Variants in SKA2 observed in about 807,000 individuals in gnomAD.
SKA2 encodes spindle and kinetochore-associated protein 2.
Under a neutral mutation model 16.9 loss-of-function variants are expected in SKA2, and 13 were observed. That is an observed-to-expected ratio of 0.77 (90% CI 0.50 to 1.22). SKA2 has a LOEUF of 1.22. SKA2 is among the 50% of genes most tolerant of loss of function. The pLI is 0.00. For missense variants in SKA2, 107 were observed against 139.7 expected (o/e 0.77, Z 1.18); for synonymous variants, 47 against 48.5 (o/e 0.97, Z 0.13).
intron 1 of SKA2, among the ~76,000 whole-genome samples, chr17:59,139,585 C>A (rs1051544298): frequency 6.6e-6 from 1 of 151,868 alleles, no homozygotes; most frequent in Non-Finnish European, 1.5e-5. Flanking sequence ...CCTGAGCTCA[C>A]GTAATCTGCC....
At chr17:59,146,882 G>A (rs2046536303) in intron 1 of SKA2, among the ~76,000 whole-genome samples, 1 of 152,154 alleles carries the variant, frequency 6.6e-6, no homozygotes, top group Non-Finnish European at 1.5e-5. Flanking sequence ...TGTTGCCCAG[G>A]CTGGTCTCAA....
intron 1 of SKA2, among the ~76,000 whole-genome samples, chr17:59,133,500 T>G (rs1187122501): frequency 6.6e-6 from 1 of 152,164 alleles, no homozygotes; most frequent in Non-Finnish European, 1.5e-5. Context: ...ATGAACTTTA[T>G]CACTGAACTA....
At chr17:59,147,787 A>G (rs914328190) in intron 1 of SKA2, among the ~76,000 whole-genome samples, 13 of 150,988 alleles carry the variant, frequency 8.6e-5, no homozygotes, top group African/African-American at 2.9e-4. Context: ...TAAGAGCACT[A>G]GTAGAAATCA....
Position 59,125,586 on chromosome 17 carries a change from G to A in SKA2, c.120+5695C>T, listed in dbSNP as rs373540316. Reference sequence around the variant, plus strand: ...ATAGTAGCGGGTACCTGTAATCCCAGCTACTCGGGAGGGTGAGGCAGGAGA... The same window carrying A: ...ATAGTAGCGGGTACCTGTAATCCCAACTACTCGGGAGGGTGAGGCAGGAGA... On this transcript the variant is annotated intron_variant, in intron 2 of 3. Transcript: ENST00000330137. Among the ~76,000 whole-genome samples, 32 of 149,330 alleles carry A rather than the reference G, an allele frequency of 2.1e-4. 4 individuals carry two copies. The highest frequency in any genetic ancestry group is 1.6e-3 in the East Asian group (8 of 4,954).
rs1290720388 is a variant in SKA2, at chr17:59,144,645, T to C, written c.33+10486A>G. Reference sequence around the variant, plus strand: ...AAATGGATGAATCTTGAGAACATTTTGCTGAATGAAATAAGCCAATAATAA... The same window carrying C: ...AAATGGATGAATCTTGAGAACATTTCGCTGAATGAAATAAGCCAATAATAA... On this transcript the variant is annotated intron_variant, in intron 1 of 3. Coordinates refer to ENST00000330137, the MANE Select transcript of SKA2 (RefSeq NM_182620.4). Among the ~76,000 whole-genome samples, 3 of 152,208 alleles carry C rather than the reference T, an allele frequency of 2.0e-5. No homozygotes were observed. In the South Asian group the frequency reaches 6.2e-4, roughly 32 times the overall value.
At chr17:59,114,756 A>T (rs1343486957) in intron 3 of SKA2, among the ~76,000 whole-genome samples, 1 of 152,222 alleles carries the variant, frequency 6.6e-6, no homozygotes, top group Non-Finnish European at 1.5e-5. Flanking sequence ...GCACCAACAA[A>T]CAGGCTGGCT....
At chr17:59,152,558 G>C (rs913008192) in intron 1 of SKA2, among the ~76,000 whole-genome samples, 2 of 151,918 alleles carry the variant, frequency 1.3e-5, no homozygotes, top group Admixed American at 1.3e-4. Context: ...AACAAAATTA[G>C]GATAAACACT....
At chr17:59,137,669 C>A (rs2046455969) in intron 1 of SKA2, 2 of 431,360 alleles carry the variant, frequency 4.6e-6, no homozygotes, top group Non-Finnish European at 9.1e-6. Flanking sequence ...ACATTTAAGC[C>A]TCAGATTTTA....
intron 1 of SKA2, among the ~76,000 whole-genome samples, chr17:59,141,742 A>G (rs936289074): frequency 2.5e-4 from 38 of 151,628 alleles, no homozygotes; most frequent in East Asian, 2.1e-3. Flanking sequence ...AAAAAAAAAA[A>G]AGAGAGCCTA....
At chr17:59,144,740 T>A (rs924931687) in intron 1 of SKA2, among the ~76,000 whole-genome samples, 1 of 152,110 alleles carries the variant, frequency 6.6e-6, no homozygotes, top group African/African-American at 2.4e-5. Context: ...AGACAGATAG[T>A]AGAATGGTAG....
intron 1 of SKA2, among the ~76,000 whole-genome samples, chr17:59,154,131 C>T (rs1260579901): frequency 4.7e-5 from 7 of 149,506 alleles, no homozygotes; most frequent in Non-Finnish European, 7.4e-5. Context: ...GCAGGCGCTT[C>T]CTCCAAAGTC....
At chr17:59,142,291 GTTT>G (rs757348686) in intron 1 of SKA2, among the ~76,000 whole-genome samples, 2 of 136,896 alleles carry the variant, frequency 1.5e-5, no homozygotes, top group Non-Finnish European at 3.2e-5. Flanking sequence ...TATATGGTGG[GTTT>G]TTTTTTTTTT....
chr17:59,120,408 T>C (rs1486530111), intron 2 of SKA2, among the ~76,000 whole-genome samples: 3 of 152,050 alleles, frequency 2.0e-5, no homozygotes, highest in Admixed American at 1.3e-4. Context: ...GGTAATTCTT[T>C]TCTTTAATTT....
At chr17:59,121,479 A>ACC (rs1019770109) in intron 2 of SKA2, among the ~76,000 whole-genome samples, 8 of 150,996 alleles carry the variant, frequency 5.3e-5, no homozygotes, top group African/African-American at 1.5e-4. Context: ...ACATAGCGAA[A>ACC]CCCCGTCTCT....
intron 1 of SKA2, chr17:59,151,774 T>C (rs943068679): frequency 1.2e-4 from 18 of 153,662 alleles, no homozygotes; most frequent in African/African-American, 4.1e-4. Flanking sequence ...CTTACCATCT[T>C]ACAGCTTTTT....
chr17:59,138,145 T>C (rs1260719715), intron 1 of SKA2, among the ~76,000 whole-genome samples: 3 of 151,660 alleles, frequency 2.0e-5, no homozygotes, highest in African/African-American at 4.8e-5. Flanking sequence ...GTAATAAAAA[T>C]AAAGGGGAAA....
At chr17:59,115,414 G>C (rs1324906093) in intron 3 of SKA2, among the ~76,000 whole-genome samples, 1 of 152,110 alleles carries the variant, frequency 6.6e-6, no homozygotes, top group East Asian at 1.9e-4. Context: ...CCCAAATCTA[G>C]AACAGCCACA....
At chr17:59,114,878 AC>A (rs2046286072) in intron 3 of SKA2, among the ~76,000 whole-genome samples, 1 of 152,156 alleles carries the variant, frequency 6.6e-6, no homozygotes, top group African/African-American at 2.4e-5. Flanking sequence ...AATCTGGAAC[AC>A]CCCAGACCTA....
In SKA2 at chr17:59,139,179, C is replaced by T. The variant is rs186227426; in HGVS notation, c.34-7812G>A. 9.2e-5 allele frequency among the ~76,000 whole-genome samples: 14 copies of T among 151,902 alleles called. No individual in the cohort carries two copies. In the South Asian group the frequency reaches 1.9e-3, roughly 20 times the overall value. ...TTGGGAGGCTGAGGCGGGCGGAGCACGAGGTCAGGAGATTGAGACCATCCT... is the reference window on the plus strand; with the variant it reads ...TTGGGAGGCTGAGGCGGGCGGAGCATGAGGTCAGGAGATTGAGACCATCCT... On this transcript the variant is annotated intron_variant, in intron 1 of 3. Coordinates refer to ENST00000330137, the MANE Select transcript of SKA2 (RefSeq NM_182620.4).
Sources: gnomAD v4.1 joint callset for allele counts (sites outside exome capture counted in the v4.1 genomes callset) on GRCh38, gnomAD v4.1.1 for gene constraint, MANE v1.5 for transcripts, NCBI Gene and HGNC (gene_info 2026-07-23, HGNC 2026-07-21) for gene names.